The following MSH4 variants were observed in gnomAD, a reference collection of about 807,000 sequenced individuals.
MSH4 encodes the protein mutS homolog 4, also known as mutS protein homolog 4.
In MSH4, 106 loss-of-function variants were observed where a neutral mutation model predicts 113.7. The ratio of observed to expected loss-of-function variants is 0.93; its 90% CI spans 0.80 to 1.10. MSH4 has a LOEUF of 1.10. Among genes scored for constraint, MSH4 ranks in the 50% least tolerant of loss-of-function variants. MSH4 has a pLI of 0.00. For synonymous variants in MSH4, 368 were observed against 380.2 expected, an observed-to-expected ratio of 0.97 and a Z score of 0.37; for missense variants, 1,061 against 1,093.7, an observed-to-expected ratio of 0.97 and a Z score of 0.42.
intron 17 of MSH4, among the ~76,000 whole-genome samples, chr1:75,895,439 G>C (rs1356765703): frequency 6.6e-6 from 1 of 152,084 alleles, no homozygotes; most frequent in Non-Finnish European, 1.5e-5. Context: ...TGACTAGCTA[G>C]GGCTTGCTGA....
chr1:75,885,321 GTGT>G lies in MSH4; in HGVS notation c.2107+1501_2107+1503del, dbSNP rs1557523764. 6.2e-3 allele frequency among the ~76,000 whole-genome samples: 191 copies of G among 30,946 alleles called. 1 individual carries two copies. The South Asian group carries it at 0.12, about 20-fold the overall frequency. 20.3% of individuals were successfully genotyped at this position (30,946 alleles called of 152,430 possible). Reference sequence around the variant, plus strand: ...GTATATATAGACTCACACTGGGGGTGTGTGTGTGTGTGTGTGTGTGTATATATA... The same window carrying G: ...GTATATATAGACTCACACTGGGGGTGGTGTGTGTGTGTGTGTGTATATATA... On this transcript the variant is annotated intron_variant, in intron 15 of 19. Transcript: ENST00000263187.
chr1:75,845,367 G>A (rs1332521801), intron 7 of MSH4, among the ~76,000 whole-genome samples: 1 of 152,136 alleles, frequency 6.6e-6, no homozygotes, highest in Non-Finnish European at 1.5e-5. Context: ...CACCAGCTAT[G>A]AGCCTATGAA....
chr1:75,857,994 T>C (rs941790869), intron 8 of MSH4, among the ~76,000 whole-genome samples: 3 of 152,164 alleles, frequency 2.0e-5, no homozygotes, highest in South Asian at 2.1e-4. Flanking sequence ...CCCTTGTAAG[T>C]TGGATTCCTA....
In MSH4 at chr1:75,796,885, C is replaced by A; in HGVS notation, c.-101C>A. 6.5e-7 allele frequency: 1 copy of A among 1,536,002 alleles called. No homozygotes were observed. The highest frequency in any genetic ancestry group is 1.2e-5 in the South Asian group (1 of 82,150). Reference sequence around the variant, plus strand: ...CAGTGCAGCTTAGTGCGTCGGCGCGCAGTTCTCCCGCCCGTTTCAGCGGCG... The same window carrying A: ...CAGTGCAGCTTAGTGCGTCGGCGCGAAGTTCTCCCGCCCGTTTCAGCGGCG... On this transcript the variant is annotated 5_prime_UTR_variant, in exon 1 of 20. Coordinates refer to ENST00000263187, the MANE Select transcript of MSH4 (RefSeq NM_002440.4).
intron 19 of MSH4, among the ~76,000 whole-genome samples, chr1:75,909,635 C>T (rs1306961070): frequency 6.6e-6 from 1 of 151,738 alleles, no homozygotes; most frequent in African/African-American, 2.4e-5. Context: ...TGCTATCCCT[C>T]CCTTTGCCTC....
chr1:75,881,800 A>G (rs1034062385), intron 14 of MSH4, among the ~76,000 whole-genome samples: 3 of 152,076 alleles, frequency 2.0e-5, no homozygotes, highest in African/African-American at 7.2e-5. Context: ...ATTAGGAATT[A>G]TGTAATTTAT....
chr1:75,823,469 T>C (rs1267456314), intron 7 of MSH4, among the ~76,000 whole-genome samples: 1 of 152,148 alleles, frequency 6.6e-6, no homozygotes, highest in African/African-American at 2.4e-5. Flanking sequence ...TTTTCTTTAC[T>C]TTAAATTCTG....
At chr1:75,803,996 T>A in intron 2 of MSH4, 83 bp downstream of exon 2, 1 of 977,992 alleles carries the variant, frequency 1.0e-6, no homozygotes, top group Non-Finnish European at 1.4e-6. Context: ...ATTAAGTTCA[T>A]TTGAATTTAT....
rs542406784 is a variant in MSH4, at chr1:75,815,269, T to G, written c.815+133T>G. ...AGGGCAGGGACTTTTGTCTGTTTTG[T>G]TCTCTGCTGCATTCCTACCACCTGG... On this transcript the variant is annotated intron_variant, in intron 5 of 19. Transcript: ENST00000263187. The G allele has an allele frequency of 8.6e-5, 44 of 511,752 alleles. No individual in the cohort carries two copies. The East Asian group carries it at 1.5e-3, about 18-fold the overall frequency. 31.7% of individuals were successfully genotyped at this position (511,752 alleles called of 1,614,324 possible). A position where few individuals can be genotyped will look rare whatever the true frequency, so the allele number is the denominator to read the frequency against.
chr1:75,857,158 C>A (rs763693706), intron 8 of MSH4, among the ~76,000 whole-genome samples: 1 of 151,916 alleles, frequency 6.6e-6, no homozygotes, highest in Non-Finnish European at 1.5e-5. Context: ...TTGTAAATTT[C>A]TTTAAGTTAT....
chr1:75,900,416 C>T (rs1311161162), intron 19 of MSH4, among the ~76,000 whole-genome samples: 2 of 152,100 alleles, frequency 1.3e-5, no homozygotes, highest in African/African-American at 4.8e-5. Context: ...ATTCTCCTGT[C>T]TCAGTCTCCT....
intron 7 of MSH4, among the ~76,000 whole-genome samples, chr1:75,847,418 A>G (rs1164390675): frequency 1.3e-5 from 2 of 152,214 alleles, no homozygotes; most frequent in Non-Finnish European, 2.9e-5. Context: ...TAAACTAAGG[A>G]TCTTTTAAAT....
intron 15 of MSH4, among the ~76,000 whole-genome samples, chr1:75,884,953 A>G (rs1652030192): frequency 6.7e-6 from 1 of 149,778 alleles, no homozygotes. Flanking sequence ...GAGCTAATAT[A>G]TATGTATATA....
chr1:75,800,093 A>G (rs975037330), intron 1 of MSH4, among the ~76,000 whole-genome samples: 2 of 152,130 alleles, frequency 1.3e-5, no homozygotes, highest in Non-Finnish European at 2.9e-5. Context: ...GTTTCAAGAA[A>G]GGGTATATAG....
chr1:75,902,194 T>A (rs1355590880), intron 19 of MSH4, among the ~76,000 whole-genome samples: 1 of 152,028 alleles, frequency 6.6e-6, no homozygotes. Flanking sequence ...ACATTGCCTA[T>A]TTTTTGTTTA....
intron 17 of MSH4, among the ~76,000 whole-genome samples, chr1:75,895,286 A>G (rs900263265): frequency 6.6e-6 from 1 of 152,190 alleles, no homozygotes; most frequent in African/African-American, 2.4e-5. Flanking sequence ...TCTGCAATAC[A>G]GAAGATTCCT....
chr1:75,798,559 CTT>C (rs35974049), intron 1 of MSH4, among the ~76,000 whole-genome samples: 1 of 137,634 alleles, frequency 7.3e-6, no homozygotes, highest in Non-Finnish European at 1.5e-5. Context: ...CCTCTCTGCA[CTT>C]TTTTTTTTTT....
Position 75,880,190 on chromosome 1 carries a change from T to G in MSH4, c.1781+37T>G, listed in dbSNP as rs537458356. On this transcript the variant is annotated intron_variant, in intron 13 of 19. Transcript: ENST00000263187. ...TGAAGTATTTGAATATTGAATTAAATTGGTTTAATTTGAGAAACTGTTACA... is the reference window on the plus strand; with the variant it reads ...TGAAGTATTTGAATATTGAATTAAAGTGGTTTAATTTGAGAAACTGTTACA... The G allele has an allele frequency of 1.1e-4, 127 of 1,122,558 alleles. No homozygotes were observed. In the South Asian group the frequency reaches 1.2e-3, roughly 11 times the overall value. 69.5% of individuals were successfully genotyped at this position (1,122,558 alleles called of 1,614,324 possible). A position where few individuals can be genotyped will look rare whatever the true frequency, so the allele number is the denominator to read the frequency against.
chr1:75,831,243 C>A, intron 7 of MSH4, among the ~76,000 whole-genome samples: 1 of 152,134 alleles, frequency 6.6e-6, no homozygotes, highest in East Asian at 1.9e-4. Flanking sequence ...AGCTAACTCT[C>A]CTAAATATAT....
Sources: gnomAD v4.1 joint callset for allele counts (sites outside exome capture counted in the v4.1 genomes callset) on GRCh38, gnomAD v4.1.1 for gene constraint, MANE v1.5 for transcripts, NCBI Gene and HGNC (gene_info 2026-07-23, HGNC 2026-07-21) for gene names.